The following HIGD1A variants were observed in gnomAD, a reference collection of about 807,000 sequenced individuals.
The protein encoded by HIGD1A is HIG1 domain family member 1A, mitochondrial.
A neutral mutation model predicts 11.3 loss-of-function variants in HIGD1A; 8 were observed. The ratio of observed to expected loss-of-function variants is 0.71; its 90% confidence interval spans 0.42 to 1.28. HIGD1A has a LOEUF of 1.28. HIGD1A is among the 50% of genes most tolerant of loss of function. The pLI, the probability that HIGD1A is intolerant of heterozygous loss-of-function variation, is 0.01. For synonymous variants in HIGD1A, 32 were observed against 38.4 expected, an observed-to-expected ratio of 0.83 and a Z score of 0.62; for missense variants, 107 against 118.8, an observed-to-expected ratio of 0.90 and a Z score of 0.46.
intron 1 of HIGD1A, 49 bp from the exon 2 acceptor site, chr3:42,794,324 T>TA (rs766917562): frequency 1.9e-5 from 28 of 1,486,432 alleles, no homozygotes; most frequent in Non-Finnish European, 2.4e-5. Flanking sequence ...ATCTGAACAT[T>TA]ATTAAATATC....
intron 1 of HIGD1A, among the ~76,000 whole-genome samples, chr3:42,799,812 T>C (rs762665095): frequency 6.6e-6 from 1 of 152,178 alleles, no homozygotes; most frequent in Non-Finnish European, 1.5e-5. Flanking sequence ...AATTTTGCAA[T>C]GGTGGTTTCA....
rs1700323054 is a variant in HIGD1A at position 42,784,420 on chromosome 3, T to C, written c.*851A>G. The C allele has an allele frequency of 1.3e-5, 2 of 152,310 alleles. No individual in the cohort carries two copies. The highest frequency in any genetic ancestry group is 4.8e-5 in the African/African-American group (2 of 41,450). 9.4% of individuals were successfully genotyped at this position (152,310 alleles called of 1,614,324 possible). A position where few individuals can be genotyped will look rare whatever the true frequency, so the allele number is the denominator to read the frequency against. ...AGCCTTCTGTATATTATATAAAAGT[T>C]TGGGTATACTGTCTGGCCAAACCAG... On this transcript the variant is annotated 3_prime_UTR_variant, in exon 4 of 4. Coordinates refer to ENST00000321331, the MANE Select transcript of HIGD1A (RefSeq NM_014056.4).
chr3:42,801,971 G>A (rs992754297), intron 1 of HIGD1A, among the ~76,000 whole-genome samples: 12 of 152,136 alleles, frequency 7.9e-5, no homozygotes, highest in Admixed American at 2.0e-4. Flanking sequence ...TGGAGGTTGC[G>A]GTGAGCCATG....
intron 2 of HIGD1A, among the ~76,000 whole-genome samples, chr3:42,791,951 A>AATTAATG (rs1181481252): frequency 6.6e-6 from 1 of 152,240 alleles, no homozygotes; most frequent in Non-Finnish European, 1.5e-5. Context: ...ATATCTACAA[A>AATTAATG]ATTAATGATT....
chr3:42,786,978 T>G (rs1304249228), intron 2 of HIGD1A, among the ~76,000 whole-genome samples: 3 of 152,042 alleles, frequency 2.0e-5, no homozygotes, highest in African/African-American at 7.2e-5. Flanking sequence ...GAGGAAAATA[T>G]CCAGTCAAAT....
In HIGD1A at chr3:42,786,154, C is replaced by T; in HGVS notation, c.106G>A (p.Gly36Ser). The T allele has an allele frequency of 6.2e-7, 1 of 1,614,032 alleles. No individual in the cohort carries two copies. Among genetic ancestry groups the T allele is most frequent in the Non-Finnish European group, 8.5e-7 (1 of 1,179,968 alleles). ...EAPFVPVGIAGFAAIVAYGLY... is the reference protein window; with the variant it reads ...EAPFVPVGIASFAAIVAYGLY... ...CCATATGCAACAATTGCTGCAAAAC[C>T]CGCTATTCCTGTAAAACAAAGTAAC... Residue 36 changes from glycine to serine, a missense_variant, in exon 3 of 4, where the codon GGT becomes AGT. By Grantham distance (56) the Gly-to-Ser change is moderately conservative. Coordinates refer to ENST00000321331, the MANE Select transcript of HIGD1A (RefSeq NM_014056.4).
In HIGD1A at chr3:42,799,522, G is replaced by A. The variant is rs115570881; in HGVS notation, c.-23+4914C>T. Among the ~76,000 whole-genome samples, 205 of 152,270 alleles carry A rather than the reference G, an allele frequency of 1.3e-3. 1 individual carries two copies. The highest frequency in any genetic ancestry group is 4.7e-3 in the African/African-American group (197 of 41,546). On this transcript the variant is annotated intron_variant, in intron 1 of 3. Transcript: ENST00000321331. ...GCCACGCAGGCTGGAGCACGATCTCGATCTTTGCTCACCGCAACCTCTGCC... is the reference window on the plus strand; with the variant it reads ...GCCACGCAGGCTGGAGCACGATCTCAATCTTTGCTCACCGCAACCTCTGCC...
intron 1 of HIGD1A, chr3:42,804,053 TCCAAGCTCCGG>T: frequency 9.1e-7 from 1 of 1,097,112 alleles, no homozygotes; most frequent in Non-Finnish European, 1.3e-6. Flanking sequence ...TTCAGAATGT[TCCAAGCTCCGG>T]GGAAGCTCCC....
At chr3:42,799,931 T>C (rs1559678623) in intron 1 of HIGD1A, among the ~76,000 whole-genome samples, 1 of 152,342 alleles carries the variant, frequency 6.6e-6, no homozygotes, top group East Asian at 1.9e-4. Flanking sequence ...GAGAAACACT[T>C]GAGACTGGCT....
At chr3:42,795,026 T>C (rs1017471777) in intron 1 of HIGD1A, among the ~76,000 whole-genome samples, 14 of 152,188 alleles carry the variant, frequency 9.2e-5, no homozygotes, top group African/African-American at 3.1e-4. Context: ...TCTTGCTCTG[T>C]TGCCCAGGGT....
chr3:42,803,948 C>A (rs1700603241), intron 1 of HIGD1A, among the ~76,000 whole-genome samples: 1 of 152,200 alleles, frequency 6.6e-6, no homozygotes, highest in South Asian at 2.1e-4. Flanking sequence ...AACCTCCCGA[C>A]CTTCCTCGCC....
chr3:42,791,388 GA>G (rs1395111027), intron 2 of HIGD1A, among the ~76,000 whole-genome samples: 2 of 151,962 alleles, frequency 1.3e-5, no homozygotes, highest in Non-Finnish European at 2.9e-5. Flanking sequence ...AATTTAATTA[GA>G]AAAAGACATC....
intron 1 of HIGD1A, 103 bp from the exon 2 acceptor site, chr3:42,794,378 A>AT: frequency 9.1e-7 from 1 of 1,093,468 alleles, no homozygotes; most frequent in Non-Finnish European, 1.3e-6. Flanking sequence ...GAATCTTAGT[A>AT]TATGTTATCC....
chr3:42,800,100 G>A (rs1483976565), intron 1 of HIGD1A, among the ~76,000 whole-genome samples: 2 of 152,128 alleles, frequency 1.3e-5, no homozygotes, highest in East Asian at 3.9e-4. Context: ...ACCAAGGTGG[G>A]CAATCACTTG....
chr3:42,784,075 C>A lies in HIGD1A; in HGVS notation c.*1196G>T, dbSNP rs1700316668. Among the ~76,000 whole-genome samples, 9 of 100,140 alleles carry A rather than the reference C, an allele frequency of 9.0e-5. No homozygotes were observed. Among genetic ancestry groups the A allele is most frequent in the African/African-American group, 1.8e-4 (5 of 27,114 alleles). The allele number at this position is 100,140 out of a possible 152,430, so 65.7% of individuals were successfully genotyped here. A position where few individuals can be genotyped will look rare whatever the true frequency, so the allele number is the denominator to read the frequency against. The stretch of plus-strand genomic sequence containing the variant: ...AAGATGACAGAGAATAACTCCGTCT[C>A]AAAAAAAAAAAAAAAAAATTTATAT... On this transcript the variant is annotated 3_prime_UTR_variant, in exon 4 of 4. Transcript: ENST00000321331.
At chr3:42,787,614 T>C (rs1399695130) in intron 2 of HIGD1A, among the ~76,000 whole-genome samples, 4 of 141,168 alleles carry the variant, frequency 2.8e-5, no homozygotes, top group African/African-American at 1.1e-4. Context: ...TATATATATA[T>C]ATATATAAAT....
intron 2 of HIGD1A, among the ~76,000 whole-genome samples, chr3:42,788,010 A>G (rs192334964): frequency 2.7e-5 from 1 of 37,462 alleles, no homozygotes; most frequent in Non-Finnish European, 6.5e-5. Flanking sequence ...AACGTAAAAC[A>G]ACCACACACA....
At chr3:42,791,370 A>G (rs1700419767) in intron 2 of HIGD1A, among the ~76,000 whole-genome samples, 1 of 152,200 alleles carries the variant, frequency 6.6e-6, no homozygotes, top group Non-Finnish European at 1.5e-5. Context: ...CCTAAAATAC[A>G]TAATTATAAT....
At chr3:42,787,843 A>T (rs2125923960) in intron 2 of HIGD1A, among the ~76,000 whole-genome samples, 1 of 151,412 alleles carries the variant, frequency 6.6e-6, no homozygotes, top group African/African-American at 2.4e-5. Flanking sequence ...AATAAATAAA[A>T]TTTAATATTT....
Sources: allele counts gnomAD v4.1 joint callset (sites outside exome capture counted in the v4.1 genomes callset), GRCh38; gene constraint gnomAD v4.1.1; transcripts MANE v1.5; gene names NCBI Gene and HGNC (gene_info 2026-07-23, HGNC 2026-07-21).